Variants in TSPEAR observed in about 807,000 individuals in gnomAD.
The protein encoded by TSPEAR is thrombospondin-type laminin G domain and EAR repeat-containing protein.
Under a neutral mutation model 71.6 loss-of-function variants are expected in TSPEAR, and 69 were observed. The observed-to-expected ratio is 0.96, with a 90% CI of 0.79 to 1.18. The LOEUF is 1.18. Among genes scored for constraint, TSPEAR ranks in the 50% most tolerant of loss-of-function variants. The pLI, the probability that TSPEAR is intolerant of heterozygous loss-of-function variation, is 0.00. For missense variants in TSPEAR, 971 were observed against 894.9 expected (o/e 1.09, Z -1.09); for synonymous variants, 402 against 387.2 (o/e 1.04, Z -0.45).
chr21:44,592,213 T>C lies in TSPEAR; in HGVS notation c.83-24208A>G, dbSNP rs1273538692. 18 of 1,603,808 alleles carry C rather than the reference T, an allele frequency of 1.1e-5. No homozygotes were observed. The African/African-American group carries it at 2.2e-4, about 20-fold the overall frequency. ...GCAAGCCAGCTGGCAGCTAGACTGC[T>C]GGCAGCACGAGGGCGTGCAGGAGCT... On this transcript the variant is annotated intron_variant, in intron 1 of 11. Coordinates refer to ENST00000323084, the MANE Select transcript of TSPEAR (RefSeq NM_144991.3).
chr21:44,525,609 C>T (rs781815788), intron 8 of TSPEAR, 44 bp downstream of exon 8: 162 of 1,598,366 alleles, frequency 1.0e-4, no homozygotes, highest in Non-Finnish European at 1.4e-4. Context: ...TCGCTCTGCC[C>T]CTGGAATGGT....
chr21:44,524,672 GTTA>G (rs1555914709), intron 8 of TSPEAR, among the ~76,000 whole-genome samples: 4 of 150,886 alleles, frequency 2.7e-5, no homozygotes, highest in African/African-American at 9.9e-5. Flanking sequence ...CAGTTAGTCA[GTTA>G]GGTAATTAGT....
intron 1 of TSPEAR, chr21:44,690,712 T>C (rs562622579): frequency 8.0e-6 from 4 of 501,552 alleles, no homozygotes; most frequent in African/African-American, 2.1e-5. Flanking sequence ...TATGTGTTTT[T>C]CTAAGGCTAA....
chr21:44,698,008 T>C, intron 1 of TSPEAR: 2 of 1,537,558 alleles, frequency 1.3e-6, no homozygotes, highest in Non-Finnish European at 1.8e-6. Flanking sequence ...GCACTATGAG[T>C]CCCCCACCTC....
intron 1 of TSPEAR, chr21:44,646,643 G>A (rs781881513): frequency 6.2e-7 from 1 of 1,613,562 alleles, no homozygotes; most frequent in East Asian, 2.2e-5. Context: ...CAGGCGGCCT[G>A]TGAGCCCAGC....
chr21:44,540,306 G>C lies in TSPEAR; in HGVS notation c.304-6383C>G, dbSNP rs1476795109. ...GCCTTGTTGTTCCAGGGCCCACAGC[G>C]TCCCCTTCCTGGTTGCTGAGAGGTG... On this transcript the variant is annotated intron_variant, in intron 2 of 11. Transcript: ENST00000323084. The C allele has an allele frequency of 8.7e-6, 11 of 1,261,454 alleles. No homozygotes were observed. The South Asian group carries it at 1.5e-4, about 17-fold the overall frequency. 78.1% of individuals were successfully genotyped at this position (1,261,454 alleles called of 1,614,324 possible). A position where few individuals can be genotyped will look rare whatever the true frequency, so the allele number is the denominator to read the frequency against.
chr21:44,600,474 AG>A, intron 1 of TSPEAR: 1 of 921,874 alleles, frequency 1.1e-6, no homozygotes, highest in Non-Finnish European at 1.6e-6. Context: ...CAAACAAGGA[AG>A]GGGCAGGAGT....
At chr21:44,646,703 A>C in intron 1 of TSPEAR, 2 of 1,614,100 alleles carry the variant, frequency 1.2e-6, no homozygotes, top group Non-Finnish European at 1.7e-6. Flanking sequence ...TGCTGCCAGC[A>C]GTCTAGCTGC....
At chr21:44,582,979 C>T (rs1342544162) in intron 1 of TSPEAR, among the ~76,000 whole-genome samples, 2 of 146,314 alleles carry the variant, frequency 1.4e-5, no homozygotes, top group African/African-American at 5.1e-5. Context: ...TGCACCACCA[C>T]ATCCAGCTAT....
chr21:44,535,575 A>G (rs181533963), intron 2 of TSPEAR, among the ~76,000 whole-genome samples: 7 of 152,274 alleles, frequency 4.6e-5, no homozygotes, highest in Admixed American at 1.3e-4. Context: ...AGAAACACGA[A>G]TACACTGTTT....
chr21:44,698,071 C>A, intron 1 of TSPEAR: 1 of 1,120,788 alleles, frequency 8.9e-7, no homozygotes. Flanking sequence ...CTTGGAGATG[C>A]GTGCACAGCC....
chr21:44,511,299 G>GCA (rs1400091954), intron 9 of TSPEAR, among the ~76,000 whole-genome samples: 1 of 152,144 alleles, frequency 6.6e-6, no homozygotes, highest in Non-Finnish European at 1.5e-5. Flanking sequence ...TGTGCACTGT[G>GCA]CGCACACACA....
intron 1 of TSPEAR, among the ~76,000 whole-genome samples, chr21:44,690,142 C>G (rs1003905206): frequency 6.6e-6 from 1 of 152,032 alleles, no homozygotes; most frequent in African/African-American, 2.4e-5. Flanking sequence ...GTTGAGAAAT[C>G]GCTCTGATTT....
chr21:44,512,583 CCT>C (rs1335035977), intron 9 of TSPEAR, among the ~76,000 whole-genome samples: 1 of 152,078 alleles, frequency 6.6e-6, no homozygotes, highest in African/African-American at 2.4e-5. Context: ...TGGCCACAGC[CCT>C]GAGGCTGGTG....
At chr21:44,528,664 C>T (rs1366394869) in intron 5 of TSPEAR, 81 bp from the exon 6 acceptor site, 3 of 1,556,354 alleles carry the variant, frequency 1.9e-6, no homozygotes, top group East Asian at 2.3e-5. Flanking sequence ...GCCCCCAAAC[C>T]AGGCTGCCCT....
At chr21:44,671,675 G>A (rs587652009) in intron 1 of TSPEAR, among the ~76,000 whole-genome samples, 22 of 152,254 alleles carry the variant, frequency 1.4e-4, no homozygotes, top group East Asian at 1.4e-3. Flanking sequence ...ACCAGCCACC[G>A]CCATAGACAC....
rs141840336 is a variant in TSPEAR, at chr21:44,681,651, G to T, written c.82+29782C>A. The T allele has an allele frequency of 8.3e-4, 654 of 783,982 alleles. 8 individuals carry two copies. Among genetic ancestry groups the T allele is most frequent in the Admixed American group, 4.5e-4 (15 of 32,998 alleles). The allele number at this position is 783,982 out of a possible 1,614,324, so 48.6% of individuals were successfully genotyped here. A position where few individuals can be genotyped will look rare whatever the true frequency, so the allele number is the denominator to read the frequency against. ...TCTGGGACCCCAGACTTCCCTGGGGGGATAGGCAAGTTCAGCCAGGGCTCC... is the reference window on the plus strand; with the variant it reads ...TCTGGGACCCCAGACTTCCCTGGGGTGATAGGCAAGTTCAGCCAGGGCTCC... On this transcript the variant is annotated intron_variant, in intron 1 of 11. Transcript: ENST00000323084.
chr21:44,512,688 C>T (rs370237204), intron 9 of TSPEAR, among the ~76,000 whole-genome samples: 22 of 152,216 alleles, frequency 1.4e-4, no homozygotes, highest in African/African-American at 4.3e-4. Flanking sequence ...ATTGTGCCCA[C>T]GTTTCATGGG....
intron 1 of TSPEAR, among the ~76,000 whole-genome samples, chr21:44,693,973 C>A (rs924912546): frequency 5.3e-5 from 8 of 152,204 alleles, no homozygotes; most frequent in Non-Finnish European, 1.0e-4. Context: ...ATTCACACTT[C>A]CCAATTTTAA....
Sources: gnomAD v4.1 joint callset for allele counts (sites outside exome capture counted in the v4.1 genomes callset) on GRCh38, gnomAD v4.1.1 for gene constraint, MANE v1.5 for transcripts, NCBI Gene and HGNC (gene_info 2026-07-23, HGNC 2026-07-21) for gene names.